The following BICDL1 variants were observed in gnomAD, a reference collection of about 807,000 sequenced individuals.
The protein encoded by BICDL1 is BICD family like cargo adaptor 1.
BICDL1 carries 20 observed loss-of-function variants against 76.8 expected under a neutral mutation model. That is an observed-to-expected ratio of 0.26 (90% CI 0.18 to 0.38). The LOEUF (loss-of-function observed/expected upper bound fraction) is 0.38. BICDL1 is among the 10% of genes least tolerant of loss of function. The pLI is 1.00. For synonymous variants in BICDL1, 383 were observed against 337.1 expected, an observed-to-expected ratio of 1.14 and a Z score of -1.49; for missense variants, 700 against 798.6, an observed-to-expected ratio of 0.88 and a Z score of 1.49.
At chr12:120,001,615 G>A (rs1594098116) in intron 2 of BICDL1, among the ~76,000 whole-genome samples, 1 of 152,188 alleles carries the variant, frequency 6.6e-6, no homozygotes, top group East Asian at 1.9e-4. Flanking sequence ...TATCTAAAAT[G>A]TACAGTATTT....
intron 2 of BICDL1, among the ~76,000 whole-genome samples, chr12:120,050,230 G>A (rs895437394): frequency 4.0e-5 from 6 of 150,450 alleles, no homozygotes; most frequent in Admixed American, 2.6e-4. Flanking sequence ...TTTTCTCCCA[G>A]TCTGAGCTTT....
chr12:120,045,854 G>A (rs987492356), intron 2 of BICDL1, among the ~76,000 whole-genome samples: 1 of 150,692 alleles, frequency 6.6e-6, no homozygotes, highest in Non-Finnish European at 1.5e-5. Flanking sequence ...CACCAGCATG[G>A]CACATGTATG....
At chr12:120,091,229 G>A (rs1374640089) in intron 9 of BICDL1, 1 of 1,157,844 alleles carries the variant, frequency 8.6e-7, no homozygotes, top group African/African-American at 1.6e-5. Context: ...GCTAACGGCT[G>A]GTGCCGTCTT....
intron 1 of BICDL1, among the ~76,000 whole-genome samples, chr12:119,996,613 C>T (rs1566201500): frequency 6.9e-6 from 1 of 144,920 alleles, no homozygotes; most frequent in Non-Finnish European, 1.5e-5. Context: ...CATTCAGTCT[C>T]AGTGCTTGAT....
At chr12:120,063,126 A>G (rs948573277) in intron 3 of BICDL1, among the ~76,000 whole-genome samples, 1 of 152,226 alleles carries the variant, frequency 6.6e-6, no homozygotes, top group African/African-American at 2.4e-5. Flanking sequence ...TCAGTTGTGT[A>G]TCAGAATCTT....
chr12:120,003,831 A>G (rs1490905992), intron 2 of BICDL1, among the ~76,000 whole-genome samples: 2 of 152,196 alleles, frequency 1.3e-5, no homozygotes, highest in African/African-American at 4.8e-5. Flanking sequence ...ACTGATGGGT[A>G]TGGAAATGAG....
At chr12:120,058,091 C>G (rs1485049212) in intron 2 of BICDL1, among the ~76,000 whole-genome samples, 1 of 152,008 alleles carries the variant, frequency 6.6e-6, no homozygotes, top group East Asian at 1.9e-4. Flanking sequence ...CCTCGGCCTC[C>G]CAAAGTTCTG....
chr12:120,001,750 T>A (rs912317859), intron 2 of BICDL1, among the ~76,000 whole-genome samples: 1 of 152,140 alleles, frequency 6.6e-6, no homozygotes, highest in Admixed American at 6.6e-5. Flanking sequence ...ATTTACCCTT[T>A]AAAAGGGTAC....
chr12:119,998,782 A>G (rs1951701837), intron 2 of BICDL1, 46 bp downstream of exon 2: 1 of 1,556,034 alleles, frequency 6.4e-7, no homozygotes, highest in Non-Finnish European at 8.7e-7. Flanking sequence ...CTAAAAGTTG[A>G]AATAGGCTGG....
intron 9 of BICDL1, chr12:120,092,377 C>T: frequency 2.0e-6 from 2 of 985,446 alleles, no homozygotes; most frequent in Non-Finnish European, 2.4e-6. Context: ...CAGGACAGCC[C>T]CTGAAGACCG....
chr12:120,023,400 T>C (rs988041621), intron 2 of BICDL1, among the ~76,000 whole-genome samples: 1 of 152,172 alleles, frequency 6.6e-6, no homozygotes, highest in African/African-American at 2.4e-5. Context: ...AATTTAACTC[T>C]ATCCCATAAT....
rs752994089 is a variant in BICDL1 at position 119,990,051 on chromosome 12, G to A, written c.183G>A (p.Ala61=). ...ELELALEEEL[A]LLAAGERPSD... is the part of the protein sequence containing the mutation. The stretch of plus-strand genomic sequence containing the variant: ...AACTGGCGTTAGAGGAGGAGCTGGC[G>A]CTGCTGGCGGCCGGGGAGCGGCCGT... The change falls in exon 1 of 10, where the codon GCG becomes GCA. Residue 61 remains alanine (A), a synonymous_variant. Coordinates refer to ENST00000548673, the MANE Select transcript of BICDL1 (RefSeq NM_001367886.1). 1.3e-6 allele frequency: 2 copies of A among 1,533,144 alleles called. No homozygotes were observed. Among genetic ancestry groups the A allele is most frequent in the East Asian group, 4.9e-5 (2 of 40,650 alleles). 95.0% of individuals were successfully genotyped at this position (1,533,144 alleles called of 1,614,324 possible). A position where few individuals can be genotyped will look rare whatever the true frequency, so the allele number is the denominator to read the frequency against.
At chr12:120,017,807 G>C (rs1207720453) in intron 2 of BICDL1, among the ~76,000 whole-genome samples, 4 of 152,178 alleles carry the variant, frequency 2.6e-5, no homozygotes, top group Non-Finnish European at 5.9e-5. Flanking sequence ...TTAGTAGAAA[G>C]CAGTATGATT....
chr12:120,012,083 C>T (rs1201784774), intron 2 of BICDL1, among the ~76,000 whole-genome samples: 2 of 152,108 alleles, frequency 1.3e-5, no homozygotes, highest in African/African-American at 2.4e-5. Context: ...GTAATGCTGC[C>T]GCCTTTGCAT....
In BICDL1 at chr12:119,989,949, C is replaced by A; in HGVS notation, c.81C>A (p.Pro27=). 6.8e-7 allele frequency: 1 copy of A among 1,465,582 alleles called. No individual in the cohort carries two copies. 90.8% of individuals were successfully genotyped at this position (1,465,582 alleles called of 1,614,324 possible). The change falls in exon 1 of 10, where the codon CCC becomes CCA. Residue 27 remains proline (P), a synonymous_variant. Coordinates refer to ENST00000548673, the MANE Select transcript of BICDL1 (RefSeq NM_001367886.1). ...ACAGCGCCTGCTGCATGGAGCTGCC[C>A]GCCGCGGCCGGGGACGCAGTCCGGA... The part of the protein sequence containing the change: ...EPDSACCMEL[P]AAAGDAVRSP...
At chr12:120,050,870 G>A (rs1952844472) in intron 2 of BICDL1, among the ~76,000 whole-genome samples, 1 of 152,014 alleles carries the variant, frequency 6.6e-6, no homozygotes, top group South Asian at 2.1e-4. Flanking sequence ...GGCCTCAAGT[G>A]ATCTTCCCAC....
chr12:120,040,666 G>A (rs1024006777), intron 2 of BICDL1, among the ~76,000 whole-genome samples: 6 of 151,594 alleles, frequency 4.0e-5, no homozygotes, highest in Non-Finnish European at 5.9e-5. Flanking sequence ...TCTGTCAGCC[G>A]CAGTCTCCCA....
chr12:120,035,339 A>C (rs1002494230), intron 2 of BICDL1, among the ~76,000 whole-genome samples: 1 of 152,218 alleles, frequency 6.6e-6, no homozygotes, highest in African/African-American at 2.4e-5. Flanking sequence ...CCATCTCAAT[A>C]AATAAATAAA....
At chr12:120,040,227 C>T (rs1053709126) in intron 2 of BICDL1, among the ~76,000 whole-genome samples, 3 of 151,852 alleles carry the variant, frequency 2.0e-5, no homozygotes, top group Admixed American at 6.6e-5. Context: ...CTCAGCCTAT[C>T]GAGTTGCTAG....
Sources: allele counts gnomAD v4.1 joint callset (sites outside exome capture counted in the v4.1 genomes callset), GRCh38; gene constraint gnomAD v4.1.1; transcripts MANE v1.5; gene names NCBI Gene and HGNC (gene_info 2026-07-23, HGNC 2026-07-21).